The following COL21A1 variants were observed in gnomAD, a reference collection of about 807,000 sequenced individuals.
COL21A1 encodes the protein collagen type XXI alpha 1 chain, also known as collagen alpha-1(XXI) chain.
COL21A1 carries 149 observed loss-of-function variants against 137.9 expected under a neutral mutation model. That is an observed-to-expected ratio of 1.08 (90% CI 0.95 to 1.24). The LOEUF (loss-of-function observed/expected upper bound fraction) is 1.24. COL21A1 is among the 50% of genes most tolerant of loss of function. The probability of loss-of-function intolerance (pLI) is 0.00; values close to 1 mark genes in which losing one functional copy is unlikely to be tolerated. For synonymous variants in COL21A1, 456 were observed against 391.5 expected, an observed-to-expected ratio of 1.16 and a Z score of -1.95; for missense variants, 1,167 against 1,158.4, an observed-to-expected ratio of 1.01 and a Z score of -0.11.
intron 1 of COL21A1, among the ~76,000 whole-genome samples, chr6:56,239,990 A>G (rs999770132): frequency 1.3e-5 from 2 of 152,112 alleles, no homozygotes; most frequent in Admixed American, 6.5e-5. Flanking sequence ...TTTCCCCCAT[A>G]CTGTTCTCAT....
intron 1 of COL21A1, among the ~76,000 whole-genome samples, chr6:56,350,048 C>T (rs1055205338): frequency 1.3e-5 from 2 of 152,282 alleles, no homozygotes; most frequent in East Asian, 3.9e-4. Flanking sequence ...CACCAACTCC[C>T]GAAAGTCTGC....
intron 1 of COL21A1, among the ~76,000 whole-genome samples, chr6:56,370,975 G>A (rs1314951235): frequency 3.3e-5 from 5 of 152,148 alleles, no homozygotes; most frequent in African/African-American, 1.2e-4. Context: ...ATCTTTTTAT[G>A]GAAAAAGGAA....
intron 23 of COL21A1, among the ~76,000 whole-genome samples, chr6:56,066,953 C>CTA (rs143352445): frequency 2.1e-5 from 3 of 144,734 alleles, no homozygotes; most frequent in African/African-American, 7.7e-5. Context: ...TGGAAACACA[C>CTA]TGTGTGTGTG....
chr6:56,134,709 G>A (rs111649583), intron 12 of COL21A1, among the ~76,000 whole-genome samples: 2,231 of 152,308 alleles, frequency 0.015, 35 homozygotes, highest in Middle Eastern at 0.037. Context: ...GGTCTTTCCT[G>A]TGCTGTTCAC....
chr6:56,069,260 TAAAA>T, intron 21 of COL21A1, 143 bp from the exon 22 acceptor site: 1 of 458,272 alleles, frequency 2.2e-6, no homozygotes, highest in Non-Finnish European at 3.8e-6. Context: ...TAGTAAAGAA[TAAAA>T]TGTTTACTAG....
intron 1 of COL21A1, among the ~76,000 whole-genome samples, chr6:56,323,261 A>T (rs1024751132): frequency 1.3e-5 from 2 of 152,194 alleles, no homozygotes; most frequent in South Asian, 4.1e-4. Context: ...AGAATTACAG[A>T]TATGGCATGA....
At chr6:56,354,634 C>A (rs1182023147) in intron 1 of COL21A1, among the ~76,000 whole-genome samples, 1 of 152,158 alleles carries the variant, frequency 6.6e-6, no homozygotes, top group Non-Finnish European at 1.5e-5. Flanking sequence ...GTAATCCCAG[C>A]ACTTTGGAAG....
chr6:56,116,443 T>C (rs562720829), intron 16 of COL21A1, among the ~76,000 whole-genome samples: 1 of 133,664 alleles, frequency 7.5e-6, no homozygotes, highest in Non-Finnish European at 1.6e-5. Flanking sequence ...TAGTATAGTA[T>C]ATCCACAAAA....
At position 56,190,249 on chromosome 6, in the gene COL21A1, T is replaced by A. The variant is rs148571566; in HGVS notation, c.-38-7593A>T. 5.9e-3 allele frequency among the ~76,000 whole-genome samples: 895 copies of A among 152,236 alleles called. 8 individuals carry two copies. Among genetic ancestry groups the A allele is most frequent in the African/African-American group, 0.019 (807 of 41,546 alleles). On this transcript the variant is annotated intron_variant, in intron 1 of 29. Coordinates refer to ENST00000244728, the MANE Select transcript of COL21A1 (RefSeq NM_030820.4). ...ATCAAATAGATGGAATAAAAAATGA[T>A]ATAGGGGATATCACCACTGATCTCA... is the stretch of plus-strand genomic sequence containing the variant.
At chr6:56,191,727 C>T (rs1778696188) in intron 1 of COL21A1, among the ~76,000 whole-genome samples, 2 of 151,998 alleles carry the variant, frequency 1.3e-5, no homozygotes, top group East Asian at 1.9e-4. Context: ...AACCACTGCT[C>T]AAGGAAATAA....
intron 1 of COL21A1, among the ~76,000 whole-genome samples, chr6:56,366,727 C>T (rs781447581): frequency 6.6e-6 from 1 of 152,180 alleles, no homozygotes; most frequent in Non-Finnish European, 1.5e-5. Flanking sequence ...AGGATAAATT[C>T]AAGTTTCTTC....
At position 56,359,114 on chromosome 6, in the gene COL21A1, T is replaced by C. The variant is rs537296036; in HGVS notation, c.-39+34857A>G. ...AAATATAATTTCATTGTCTAAAAGT[T>C]ATCATAAAATACATCAGATCATTCC... On this transcript the variant is annotated intron_variant, in intron 1 of 28. Coordinates refer to the COL21A1 transcript ENST00000370819. Among the ~76,000 whole-genome samples the C allele has an allele frequency of 2.0e-5, 3 of 152,340 alleles. No individual in the cohort carries two copies. In the South Asian group the frequency reaches 6.2e-4, roughly 32 times the overall value.
chr6:56,065,807 T>TG (rs1170720125), intron 23 of COL21A1, among the ~76,000 whole-genome samples: 1 of 151,906 alleles, frequency 6.6e-6, no homozygotes, highest in African/African-American at 2.4e-5. Flanking sequence ...TTAACATGTG[T>TG]GGGGCACGAT....
chr6:56,332,981 T>C (rs544286166), intron 1 of COL21A1, among the ~76,000 whole-genome samples: 2 of 152,112 alleles, frequency 1.3e-5, no homozygotes, highest in African/African-American at 2.4e-5. Context: ...TAGTTTTCCA[T>C]GTTGTTTAAT....
chr6:56,147,026 C>A (rs1367378994), intron 10 of COL21A1, among the ~76,000 whole-genome samples: 3 of 152,104 alleles, frequency 2.0e-5, no homozygotes, highest in Admixed American at 2.0e-4. Context: ...TCCTTAAATT[C>A]ACAGAATTTA....
intron 24 of COL21A1, among the ~76,000 whole-genome samples, chr6:56,064,138 G>A (rs1428030891): frequency 6.6e-6 from 1 of 152,046 alleles, no homozygotes; most frequent in Non-Finnish European, 1.5e-5. Context: ...CTCCAGAGCA[G>A]TAAATTGTCT....
In COL21A1 at chr6:56,059,244, T is replaced by C; in HGVS notation, c.2609-2A>G. 1 of 1,593,508 alleles carries C rather than the reference T, an allele frequency of 6.3e-7. No individual in the cohort carries two copies. Among genetic ancestry groups the C allele is most frequent in the Admixed American group, 1.8e-5 (1 of 54,430 alleles). ...TTTCCCCATTTCTTCCTGGTAGGCC[T>C]GCAGGGTGTCAAACATCTGAGTAAG... On this transcript the variant is annotated splice_acceptor_variant, in intron 28 of 29. Coordinates refer to ENST00000244728, the MANE Select transcript of COL21A1 (RefSeq NM_030820.4). LOFTEE classifies it high-confidence loss of function.
At chr6:56,228,309 C>T (rs1781337641) in intron 1 of COL21A1, among the ~76,000 whole-genome samples, 1 of 151,608 alleles carries the variant, frequency 6.6e-6, no homozygotes, top group African/African-American at 2.4e-5. Flanking sequence ...GCAGTAAGGG[C>T]CTGAAGGACA....
intron 1 of COL21A1, among the ~76,000 whole-genome samples, chr6:56,305,056 T>G (rs1187974339): frequency 6.6e-6 from 1 of 152,254 alleles, no homozygotes; most frequent in Non-Finnish European, 1.5e-5. Context: ...AGTGAGTTTC[T>G]TAATCCTGAG....
Sources: allele counts gnomAD v4.1 joint callset (sites outside exome capture counted in the v4.1 genomes callset), GRCh38; gene constraint gnomAD v4.1.1; transcripts MANE v1.5; gene names NCBI Gene and HGNC (gene_info 2026-07-23, HGNC 2026-07-21).